TRIM5: variants seen among roughly 807,000 people sequenced by gnomAD.
TRIM5 encodes the protein tripartite motif containing 5.
A neutral mutation model predicts 35.6 loss-of-function variants in TRIM5; 31 were observed. The ratio of observed to expected loss-of-function variants is 0.87; its 90% CI spans 0.65 to 1.18. The LOEUF is 1.18. Among genes scored for constraint, TRIM5 ranks in the 50% most tolerant of loss-of-function variants. TRIM5 has a pLI of 0.00. For missense variants in TRIM5, 609 were observed against 591.6 expected (o/e 1.03, Z -0.31); for synonymous variants, 243 against 215.6 (o/e 1.13, Z -1.11).
chr11:5,642,650 C>A, the TRIM5 span: 1 of 1,372,858 alleles, frequency 7.3e-7, no homozygotes, highest in Non-Finnish European at 9.8e-7. Flanking sequence ...GAAGAGGATG[C>A]ATTTATATGT....
chr11:5,665,943 G>A (rs1452920748), intron 6 of TRIM5, 38 bp downstream of exon 6: 3 of 1,575,656 alleles, frequency 1.9e-6, no homozygotes, highest in Non-Finnish European at 2.6e-6. Flanking sequence ...AACACCACTT[G>A]AATTCCATAA....
At chr11:5,637,318 T>C in the TRIM5 span, among the ~76,000 whole-genome samples, 1 of 152,180 alleles carries the variant, frequency 6.6e-6, no homozygotes, top group African/African-American at 2.4e-5. Context: ...CATTGTTTGT[T>C]TGCTAGAGGG....
intron 4 of TRIM5, among the ~76,000 whole-genome samples, chr11:5,676,899 T>C (rs1295999340): frequency 1.3e-5 from 2 of 149,744 alleles, no homozygotes; most frequent in Non-Finnish European, 3.0e-5. Flanking sequence ...TGGCTAGCCA[T>C]ATGTAGAAAG....
In TRIM5 at chr11:5,679,054, C is replaced by A. The variant is rs540034565; in HGVS notation, c.513+20G>T. 1.2e-5 allele frequency: 20 copies of A among 1,607,174 alleles called. No individual in the cohort carries two copies. Among genetic ancestry groups the A allele is most frequent in the Non-Finnish European group, 1.6e-5 (19 of 1,174,292 alleles). On this transcript the variant is annotated intron_variant, in intron 3 of 7. Coordinates refer to ENST00000380034, the MANE Select transcript of TRIM5 (RefSeq NM_033034.3). Reference sequence around the variant, plus strand: ...TGCCCAGATTTCTAGCTAACTCCTTCGGGAACCACATCCTCTTGCCTTCCA... The same window carrying A: ...TGCCCAGATTTCTAGCTAACTCCTTAGGGAACCACATCCTCTTGCCTTCCA...
intron 4 of TRIM5, among the ~76,000 whole-genome samples, chr11:5,673,956 C>T (rs2134076926): frequency 6.6e-6 from 1 of 151,846 alleles, no homozygotes; most frequent in East Asian, 1.9e-4. Context: ...GATTTCACAG[C>T]ATCTAAGATT....
the TRIM5 span, among the ~76,000 whole-genome samples, chr11:5,617,798 A>G: frequency 2.2e-4 from 34 of 151,966 alleles, no homozygotes; most frequent in Non-Finnish European, 4.6e-4. Context: ...CCTGGGCTCA[A>G]TCTTTATAGT....
At chr11:5,609,878 G>A in the TRIM5 span, among the ~76,000 whole-genome samples, 5 of 152,226 alleles carry the variant, frequency 3.3e-5, no homozygotes, top group South Asian at 8.3e-4. Context: ...AGCCGAGATC[G>A]TGCCACTGCA....
At chr11:5,643,125 A>ATATATATATATT in the TRIM5 span, 7 of 974,548 alleles carry the variant, frequency 7.2e-6, no homozygotes, top group South Asian at 1.6e-4. Context: ...ATATATATAT[A>ATATATATATATT]TTTTTTTTTT....
the TRIM5 span, among the ~76,000 whole-genome samples, chr11:5,613,297 C>T: frequency 6.6e-6 from 1 of 152,206 alleles, no homozygotes; most frequent in Non-Finnish European, 1.5e-5. Context: ...CTGGCCCCTG[C>T]CGTTAGTCCT....
At chr11:5,682,481 G>A (rs1053223350) in intron 1 of TRIM5, among the ~76,000 whole-genome samples, 7 of 152,116 alleles carry the variant, frequency 4.6e-5, no homozygotes, top group Non-Finnish European at 1.0e-4. Context: ...GGGAAGCCCT[G>A]ATGAAATGAC....
chr11:5,602,547 C>G, the TRIM5 span, among the ~76,000 whole-genome samples: 1 of 151,876 alleles, frequency 6.6e-6, no homozygotes, highest in African/African-American at 2.4e-5. Context: ...GTAAGTCATG[C>G]AGATAGCAGA....
At position 5,664,599 on chromosome 11, in the gene TRIM5, GA is replaced by G; in HGVS notation, c.*209del. ...TTTCCTTAGGAGTACGGAAAATGAT[GA>G]AAAAAATTGCTATCAAATGTCAATA... On this transcript the variant is annotated 3_prime_UTR_variant, in exon 8 of 8. Coordinates refer to ENST00000380034, the MANE Select transcript of TRIM5 (RefSeq NM_033034.3). The G allele has an allele frequency of 7.7e-7, 1 of 1,299,562 alleles. No individual in the cohort carries two copies. 80.5% of individuals were successfully genotyped at this position (1,299,562 alleles called of 1,614,324 possible). A position where few individuals can be genotyped will look rare whatever the true frequency, so the allele number is the denominator to read the frequency against.
At chr11:5,678,077 C>G (rs1217717916) in intron 4 of TRIM5, 127 bp downstream of exon 4, 2 of 702,336 alleles carry the variant, frequency 2.8e-6, no homozygotes, top group Non-Finnish European at 4.4e-6. Context: ...ATAACTTCAG[C>G]AATTGATTCA....
the TRIM5 span, among the ~76,000 whole-genome samples, chr11:5,613,504 C>T: frequency 6.6e-6 from 1 of 152,134 alleles, no homozygotes; most frequent in Non-Finnish European, 1.5e-5. Flanking sequence ...ATGCAAACTC[C>T]TTATCCTGGT....
the TRIM5 span, among the ~76,000 whole-genome samples, chr11:5,602,406 G>A: frequency 6.6e-6 from 1 of 151,824 alleles, no homozygotes; most frequent in Non-Finnish European, 1.5e-5. Flanking sequence ...TCACGCCACT[G>A]CACTCCAGCC....
the TRIM5 span, chr11:5,611,188 A>C: frequency 6.2e-7 from 1 of 1,614,066 alleles, no homozygotes. Flanking sequence ...GTTTTCTTAG[A>C]TTATGAGGCT....
At chr11:5,605,570 A>G in the TRIM5 span, 1 of 1,609,628 alleles carries the variant, frequency 6.2e-7, no homozygotes, top group Middle Eastern at 1.7e-4. Context: ...TGCTGCAGGT[A>G]AGGCTTGTGA....
chr11:5,650,498 T>G, the TRIM5 span, among the ~76,000 whole-genome samples: 1 of 152,136 alleles, frequency 6.6e-6, no homozygotes, highest in Non-Finnish European at 1.5e-5. Flanking sequence ...GGATCTGAGT[T>G]TTTTCTTTCT....
downstream of TRIM5, among the ~76,000 whole-genome samples, chr11:5,660,839 G>A (rs888409608): frequency 3.3e-5 from 5 of 151,394 alleles, no homozygotes; most frequent in African/African-American, 1.2e-4. Context: ...TCAGGAGATC[G>A]GGACCATCCT....
Sources: gnomAD v4.1 joint callset for allele counts (sites outside exome capture counted in the v4.1 genomes callset) on GRCh38, gnomAD v4.1.1 for gene constraint, MANE v1.5 for transcripts, NCBI Gene and HGNC (gene_info 2026-07-23, HGNC 2026-07-21) for gene names.